The following GPHN variants were observed in gnomAD, a reference collection of about 807,000 sequenced individuals.
GPHN encodes gephyrin.
Under a neutral mutation model 95.5 loss-of-function variants are expected in GPHN, and 17 were observed. That is an observed-to-expected ratio of 0.18 (90% CI 0.12 to 0.27). The LOEUF is 0.27. Ranked by LOEUF, GPHN falls within the 10% of genes least tolerant of loss-of-function variation. GPHN has a pLI of 1.00. For missense variants in GPHN, 660 were observed against 978.1 expected, an observed-to-expected ratio of 0.67 and a Z score of 4.34; for synonymous variants, 320 against 322.5, an observed-to-expected ratio of 0.99 and a Z score of 0.08.
chr14:67,512,869 T>C, the GPHN span, among the ~76,000 whole-genome samples: 1 of 152,158 alleles, frequency 6.6e-6, no homozygotes, highest in Non-Finnish European at 1.5e-5. Context: ...CAGCGAGAGC[T>C]TTTCTGATAA....
the GPHN span, among the ~76,000 whole-genome samples, chr14:67,379,975 A>G: frequency 1.3e-5 from 2 of 151,862 alleles, no homozygotes; most frequent in East Asian, 1.9e-4. Flanking sequence ...AGACTGGTCT[A>G]TGAACTCCTG....
At chr14:66,785,469 G>A (rs1261642689) in intron 3 of GPHN, among the ~76,000 whole-genome samples, 1 of 152,080 alleles carries the variant, frequency 6.6e-6, no homozygotes, top group Non-Finnish European at 1.5e-5. Flanking sequence ...TGGAGACAGA[G>A]AGGACATCCC....
chr14:66,567,842 G>A (rs746726407), intron 1 of GPHN, among the ~76,000 whole-genome samples: 6 of 151,884 alleles, frequency 4.0e-5, no homozygotes, highest in African/African-American at 1.5e-4. Flanking sequence ...TATATTGTGG[G>A]TATACTTATG....
At chr14:67,636,223 G>C in the GPHN span, among the ~76,000 whole-genome samples, 2 of 151,706 alleles carry the variant, frequency 1.3e-5, no homozygotes, top group African/African-American at 2.4e-5. Flanking sequence ...AGCAACAGGG[G>C]TCACAGCAGT....
chr14:66,973,215 C>T (rs2069940463), intron 9 of GPHN, among the ~76,000 whole-genome samples: 1 of 151,666 alleles, frequency 6.6e-6, no homozygotes, highest in South Asian at 2.1e-4. Context: ...CAATGACTAC[C>T]GGTACCATGG....
At chr14:67,393,022 A>G in the GPHN span, 4 of 897,442 alleles carry the variant, frequency 4.5e-6, no homozygotes, top group African/African-American at 6.5e-5. Context: ...ACACATGGCC[A>G]TCTCAGGCTA....
At chr14:66,784,012 C>T (rs183141797) in intron 3 of GPHN, among the ~76,000 whole-genome samples, 33 of 152,152 alleles carry the variant, frequency 2.2e-4, no homozygotes, top group African/African-American at 6.3e-4. Context: ...AAAATCACAG[C>T]ATGAGTGAGA....
At chr14:67,362,399 TA>T in the GPHN span, among the ~76,000 whole-genome samples, 1 of 152,224 alleles carries the variant, frequency 6.6e-6, no homozygotes, top group Non-Finnish European at 1.5e-5. Flanking sequence ...ATTATTATAT[TA>T]CAAAATGGAA....
chr14:67,241,816 C>G, the GPHN span: 1 of 151,494 alleles, frequency 6.6e-6, no homozygotes, highest in African/African-American at 2.4e-5. Context: ...CCACAGCCAG[C>G]CGAGCCCGAG....
At chr14:67,729,687 T>A in the GPHN span, 1 of 569,082 alleles carries the variant, frequency 1.8e-6, no homozygotes, top group East Asian at 3.9e-5. Flanking sequence ...TCTGGATCGT[T>A]TTTCTCCTTC....
chr14:66,787,300 A>G (rs1220991283), intron 3 of GPHN, among the ~76,000 whole-genome samples: 2 of 152,196 alleles, frequency 1.3e-5, no homozygotes, highest in Non-Finnish European at 2.9e-5. Flanking sequence ...AAGCACACAT[A>G]TGTTATCTTT....
intron 2 of GPHN, among the ~76,000 whole-genome samples, chr14:66,749,593 T>C (rs1316455752): frequency 6.6e-6 from 1 of 151,998 alleles, no homozygotes; most frequent in East Asian, 1.9e-4. Flanking sequence ...ACTGATGATA[T>C]ATGATGTGGA....
chr14:67,693,008 G>A, the GPHN span: 3 of 1,614,078 alleles, frequency 1.9e-6, no homozygotes, highest in Middle Eastern at 3.3e-4. Flanking sequence ...TACTTTCCCA[G>A]GAAGCTGAAC....
At chr14:67,447,511 G>C in the GPHN span, 19 of 152,216 alleles carry the variant, frequency 1.2e-4, no homozygotes, top group African/African-American at 4.6e-4. Flanking sequence ...GACTGTGTTA[G>C]ATAGGTAGGT....
intron 1 of GPHN, among the ~76,000 whole-genome samples, chr14:66,518,474 A>G (rs934629983): frequency 6.6e-6 from 1 of 152,194 alleles, no homozygotes; most frequent in African/African-American, 2.4e-5. Context: ...TGATCCATCA[A>G]TTTCACCACT....
chr14:66,643,419 C>T (rs1013592473), intron 1 of GPHN, among the ~76,000 whole-genome samples: 9 of 151,922 alleles, frequency 5.9e-5, no homozygotes, highest in Non-Finnish European at 2.9e-5. Context: ...TTAAGTTTAC[C>T]AAAGGACATG....
At chr14:67,647,100 A>G in the GPHN span, 1 of 964,024 alleles carries the variant, frequency 1.0e-6, no homozygotes, top group African/African-American at 1.6e-5. Context: ...TGAGGACAGC[A>G]GCTTTACTTT....
the GPHN span, among the ~76,000 whole-genome samples, chr14:67,516,736 A>G: frequency 6.6e-6 from 1 of 152,222 alleles, no homozygotes; most frequent in African/African-American, 2.4e-5. Context: ...AAATATGGAC[A>G]AGGAATTTCT....
intron 1 of GPHN, among the ~76,000 whole-genome samples, chr14:66,629,734 G>A (rs1040118429): frequency 6.6e-6 from 1 of 152,058 alleles, no homozygotes; most frequent in Non-Finnish European, 1.5e-5. Flanking sequence ...TGATGGCTAT[G>A]ACATCACTAT....
Sources: gnomAD v4.1 joint callset for allele counts (sites outside exome capture counted in the v4.1 genomes callset) on GRCh38, gnomAD v4.1.1 for gene constraint, MANE v1.5 for transcripts, NCBI Gene and HGNC (gene_info 2026-07-23, HGNC 2026-07-21) for gene names.